The following EPX variants were observed in gnomAD, a reference collection of about 807,000 sequenced individuals.
The protein encoded by EPX is eosinophil peroxidase.
A neutral mutation model predicts 73.0 loss-of-function variants in EPX; 60 were observed. That is an observed-to-expected ratio of 0.82 (90% CI 0.67 to 1.02). The LOEUF is 1.02. Among genes scored for constraint, EPX ranks in the 50% least tolerant of loss-of-function variants. EPX has a pLI of 0.00. For missense variants in EPX, 950 were observed against 973.9 expected, an observed-to-expected ratio of 0.98 and a Z score of 0.33; for synonymous variants, 347 against 389.2, an observed-to-expected ratio of 0.89 and a Z score of 1.28.
chr17:58,194,235 T>A, intron 5 of EPX, 143 bp downstream of exon 5: 1 of 831,834 alleles, frequency 1.2e-6, no homozygotes, highest in Non-Finnish European at 2.0e-6. Flanking sequence ...AACACAGCTT[T>A]CTGAGGCTTA....
intron 2 of EPX, 118 bp from the exon 3 acceptor site, chr17:58,193,253 C>G: frequency 8.0e-7 from 1 of 1,243,840 alleles, no homozygotes; most frequent in South Asian, 1.2e-5. Context: ...GTTGGTAGAG[C>G]CTCCCTTCCA....
At chr17:58,196,907 G>T (rs550202146) in intron 6 of EPX, 32 bp from the exon 7 acceptor site, 22 of 1,593,440 alleles carry the variant, frequency 1.4e-5, no homozygotes, top group East Asian at 4.5e-5. Context: ...TATTGAGGGG[G>T]CCCCATGTCA....
intron 7 of EPX, among the ~76,000 whole-genome samples, chr17:58,198,515 C>T (rs912461948): frequency 1.3e-5 from 2 of 152,176 alleles, no homozygotes; most frequent in Admixed American, 6.5e-5. Context: ...TCTTTCCCTG[C>T]CTGTAGTAGG....
rs780513904 is a variant in EPX, at chr17:58,192,883, A to T, written c.37A>T (p.Thr13Ser). 6.2e-6 allele frequency: 10 copies of T among 1,613,996 alleles called. No individual in the cohort carries two copies. The highest frequency in any genetic ancestry group is 8.5e-6 in the Non-Finnish European group (10 of 1,179,988). ...LLPALAGVLA[T>S]LVLAQPCEGT... ...CCCAGCCCTGGCAGGGGTCCTGGCC[A>T]CACTCGTCCTCGCCCAGCCCTGTGA... Residue 13 changes from threonine to serine, a missense_variant, in exon 1 of 13, where the codon ACA becomes TCA. Transcript: ENST00000225371.
chr17:58,193,843 G>T lies in EPX; in HGVS notation c.464+12G>T, dbSNP rs1455185180. ...CGGTGCAACAACAAGTGCGTGCGGG[G>T]CGGCAGGAGGGGCTGCCCCTGCCTG... On this transcript the variant is annotated intron_variant, in intron 4 of 12. Transcript: ENST00000225371. 1.2e-6 allele frequency: 2 copies of T among 1,603,432 alleles called. No individual in the cohort carries two copies. The highest frequency in any genetic ancestry group is 3.3e-5 in the Admixed American group (2 of 59,962).
chr17:58,203,800 C>T (rs1039547665), intron 11 of EPX, among the ~76,000 whole-genome samples: 2 of 149,762 alleles, frequency 1.3e-5, no homozygotes, highest in African/African-American at 2.4e-5. Context: ...GGCGTAGTGG[C>T]GGGCGCCTGT....
At chr17:58,203,931 CAAAAAAAAAAAAAAAA>C (rs567848038) in intron 11 of EPX, among the ~76,000 whole-genome samples, 13 of 15,776 alleles carry the variant, frequency 8.2e-4, no homozygotes, top group Admixed American at 2.4e-3. Flanking sequence ...GACTCCGTCT[CAAAAAAAAAAAAAAAA>C]AAAAAAAAAA....
chr17:58,200,501 A>T, intron 10 of EPX, 106 bp downstream of exon 10: 3 of 1,230,758 alleles, frequency 2.4e-6, no homozygotes, highest in East Asian at 2.4e-5. Flanking sequence ...TGTCTACAGG[A>T]TGTGCAGGAG....
At position 58,197,025 on chromosome 17, in the gene EPX, C is replaced by G. The variant is rs1246541028; in HGVS notation, c.888C>G (p.Asn296Lys). The G allele has an allele frequency of 6.2e-7, 1 of 1,614,176 alleles. No individual in the cohort carries two copies. The highest frequency in any genetic ancestry group is 8.5e-7 in the Non-Finnish European group (1 of 1,180,036). Reference sequence around the variant, plus strand: ...CACCCTCATGCCCCCAAAACAAGAACAGAGTCCGCAACCAGATCAACGCGC... The same window carrying G: ...CACCCTCATGCCCCCAAAACAAGAAGAGAGTCCGCAACCAGATCAACGCGC... Reference protein sequence around the residue: ...RSAPSCPQNKNRVRNQINALT... With the variant: ...RSAPSCPQNKKRVRNQINALT... Residue 296 changes from asparagine to lysine, a missense_variant, in exon 7 of 13, where the codon AAC (asparagine) becomes AAG (lysine). Physicochemically the swap from Asn to Lys is moderately conservative, Grantham distance 94. Coordinates refer to ENST00000225371, the MANE Select transcript of EPX (RefSeq NM_000502.6).
At chr17:58,195,329 C>A (rs1035474783) in intron 6 of EPX, among the ~76,000 whole-genome samples, 159 bp downstream of exon 6, 3 of 152,186 alleles carry the variant, frequency 2.0e-5, no homozygotes, top group Non-Finnish European at 2.9e-5. Flanking sequence ...TGAGCAGAGA[C>A]CCCGCGCCGT....
chr17:58,195,941 C>CTTCT (rs1207391312), intron 6 of EPX, among the ~76,000 whole-genome samples: 21 of 151,382 alleles, frequency 1.4e-4, no homozygotes, highest in Non-Finnish European at 2.8e-4. Context: ...CCTCTCTCTC[C>CTTCT]TTCCTTCCTT....
intron 7 of EPX, among the ~76,000 whole-genome samples, chr17:58,198,586 C>CG (rs895157803): frequency 7.2e-5 from 11 of 152,136 alleles, no homozygotes; most frequent in South Asian, 2.1e-4. Flanking sequence ...CTCTGGTTCA[C>CG]GGGGGAGAGC....
At position 58,193,738 on chromosome 17, in the gene EPX, G is replaced by A. The variant is rs193019276; in HGVS notation, c.371G>A (p.Arg124Gln). 1.6e-5 allele frequency: 26 copies of A among 1,612,180 alleles called. No individual in the cohort carries two copies. In the East Asian group the frequency reaches 2.7e-4, roughly 17 times the overall value. The change falls in exon 4 of 13, where the codon CGG (arginine) becomes CAG (glutamine). Residue 124 changes from arginine (R) to glutamine (Q), a missense_variant. By Grantham distance (43) the Arg-to-Gln change is conservative. Coordinates refer to ENST00000225371, the MANE Select transcript of EPX (RefSeq NM_000502.6). ...GATGTGCTAACAGAACCACAGCTGC[G>A]GCTGCTGTCCCAGGCCAGTGGCTGT... Reference protein sequence around the residue: ...VTDVLTEPQLRLLSQASGCAL... With the variant: ...VTDVLTEPQLQLLSQASGCAL...
rs755121348 is a variant in EPX at position 58,199,552 on chromosome 17, G to A, written c.1295G>A (p.Arg432Gln). The A allele has an allele frequency of 1.4e-5, 22 of 1,614,048 alleles. No individual in the cohort carries two copies. The highest frequency in any genetic ancestry group is 1.3e-4 in the African/African-American group (10 of 74,924). ...MGAMVQIITY[R>Q]DFLPLVLGKA... ...CTTCCCTTCCAGATCATCACCTACCGAGACTTTCTGCCCCTGGTTCTGGGC... is the reference window on the plus strand; with the variant it reads ...CTTCCCTTCCAGATCATCACCTACCAAGACTTTCTGCCCCTGGTTCTGGGC... Residue 432 changes from arginine (R) to glutamine (Q), a missense_variant, in exon 9 of 13, where the codon CGA becomes CAA. Arg to Gln is a conservative substitution (Grantham distance 43). Transcript: ENST00000225371.
In EPX at chr17:58,204,356, A is replaced by G; in HGVS notation, c.2081A>G (p.Tyr694Cys). 6 of 1,614,010 alleles carry G rather than the reference A, an allele frequency of 3.7e-6. No homozygotes were observed. The highest frequency in any genetic ancestry group is 5.1e-6 in the Non-Finnish European group (6 of 1,179,952). Residue 694 changes from tyrosine (Y) to cysteine (C), a missense_variant, in exon 12 of 13, where the codon TAC becomes TGC. By Grantham distance (194) the Tyr-to-Cys change is radical. Transcript: ENST00000225371. ...AGGGACATCTTCAGAGCCAACATCT[A>G]CCCTCGGGGCTTTGTGAACTGCAGC... is the stretch of plus-strand genomic sequence containing the variant. ...VSRDIFRANI[Y>C]PRGFVNCSRI...
At chr17:58,196,855 G>A (rs1257735369) in intron 6 of EPX, 84 bp from the exon 7 acceptor site, 3 of 1,116,230 alleles carry the variant, frequency 2.7e-6, no homozygotes, top group Admixed American at 1.7e-5. Flanking sequence ...TTTTAAGCAA[G>A]GTTTTGAGGA....
intron 10 of EPX, 108 bp downstream of exon 10, chr17:58,200,503 G>A (rs996018958): frequency 3.2e-5 from 37 of 1,168,516 alleles, no homozygotes; most frequent in Non-Finnish European, 4.5e-5. Context: ...TCTACAGGAT[G>A]TGCAGGAGTG....
intron 9 of EPX, 37 bp downstream of exon 9, chr17:58,199,831 G>A: frequency 1.2e-6 from 2 of 1,604,166 alleles, no homozygotes; most frequent in Non-Finnish European, 8.5e-7. Flanking sequence ...GGGGGTGAGG[G>A]TGGGGAGCAT....
intron 7 of EPX, among the ~76,000 whole-genome samples, chr17:58,198,525 G>A (rs971739743): frequency 2.5e-4 from 38 of 152,206 alleles, no homozygotes; most frequent in African/African-American, 9.2e-4. Context: ...CCTGTAGTAG[G>A]TCTGTTCGTA....
Sources: allele counts gnomAD v4.1 joint callset (sites outside exome capture counted in the v4.1 genomes callset), GRCh38; gene constraint gnomAD v4.1.1; transcripts MANE v1.5; gene names NCBI Gene and HGNC (gene_info 2026-07-23, HGNC 2026-07-21).